The following RCC1L variants were observed in gnomAD, a reference collection of about 807,000 sequenced individuals.
RCC1L encodes RCC1 like.
RCC1L carries 46 observed loss-of-function variants against 58.6 expected under a neutral mutation model. The ratio of observed to expected loss-of-function variants is 0.79; its 90% CI spans 0.62 to 1.00. The LOEUF (loss-of-function observed/expected upper bound fraction) is 1.00. RCC1L is among the 50% of genes least tolerant of loss of function. RCC1L has a pLI of 0.00. For missense variants in RCC1L, 636 were observed against 623.6 expected, an observed-to-expected ratio of 1.02 and a Z score of -0.21; for synonymous variants, 281 against 262.9, an observed-to-expected ratio of 1.07 and a Z score of -0.67.
Position 75,056,066 on chromosome 7 carries a change from G to A in RCC1L, c.1066C>T (p.His356Tyr), listed in dbSNP as rs1224958173. The A allele has an allele frequency of 3.7e-6, 6 of 1,613,756 alleles. No homozygotes were observed. The Admixed American group carries it at 6.7e-5, about 18-fold the overall frequency. ...TGCAVLNGEG[H>Y]VFVWGYGILG... Reference sequence around the variant, plus strand: ...ATTCCATAGCCCCAGACAAAAACATGTCCTTCTCCTACATTACAGTAAAAA... The same window carrying A: ...ATTCCATAGCCCCAGACAAAAACATATCCTTCTCCTACATTACAGTAAAAA... Residue 356 changes from histidine (H) to tyrosine (Y), a missense_variant, in exon 9 of 11, where the codon CAT becomes TAT. By Grantham distance (83) the His-to-Tyr change is moderately conservative. Transcript: ENST00000610322.
At chr7:75,068,155 A>G (rs1806573596) in intron 2 of RCC1L, among the ~76,000 whole-genome samples, 1 of 150,472 alleles carries the variant, frequency 6.6e-6, no homozygotes, top group East Asian at 2.0e-4. Flanking sequence ...CCCCATCTCT[A>G]CTAAAAATAC....
At chr7:75,065,758 C>T (rs587750405) in intron 3 of RCC1L, among the ~76,000 whole-genome samples, 1 of 152,106 alleles carries the variant, frequency 6.6e-6, no homozygotes, top group Non-Finnish European at 1.5e-5. Flanking sequence ...TGGGTCACGT[C>T]TATAATCCCA....
intron 9 of RCC1L, 99 bp downstream of exon 9, chr7:75,055,802 G>T: frequency 7.0e-7 from 1 of 1,420,814 alleles, no homozygotes; most frequent in Non-Finnish European, 9.9e-7. Flanking sequence ...CGTTCTGTTG[G>T]ATGGGTGGAA....
Position 75,049,774 on chromosome 7 carries a change from G to A in RCC1L, c.1317+2937C>T, listed in dbSNP as rs1021785798. Among the ~76,000 whole-genome samples the A allele has an allele frequency of 4.0e-3, 604 of 152,306 alleles. 3 individuals carry two copies. Among genetic ancestry groups the A allele is most frequent in the African/African-American group, 0.014 (578 of 41,570 alleles). ...CAAGCCTGTAATCCCAGCTACTCGG[G>A]AGGCTGAGATAGGAGGATCACTTGA... On this transcript the variant is annotated intron_variant, in intron 10 of 10. Coordinates refer to ENST00000610322, the MANE Select transcript of RCC1L (RefSeq NM_030798.5).
chr7:75,048,623 C>T (rs2131983120), intron 10 of RCC1L, among the ~76,000 whole-genome samples: 1 of 152,352 alleles, frequency 6.6e-6, no homozygotes, highest in South Asian at 2.1e-4. Context: ...TCCCCCGAAG[C>T]CAGGCTGGAA....
intron 10 of RCC1L, among the ~76,000 whole-genome samples, chr7:75,033,527 TC>T (rs1400968836): frequency 3.6e-4 from 54 of 152,000 alleles, no homozygotes; most frequent in Non-Finnish European, 7.4e-4. Flanking sequence ...AATCCCCGTC[TC>T]TACTAAAAAT....
Position 75,058,660 on chromosome 7 carries a change from G to C in RCC1L, c.897C>G (p.Ser299=). 6.2e-7 allele frequency: 1 copy of C among 1,613,908 alleles called. No homozygotes were observed. Among genetic ancestry groups the C allele is most frequent in the Non-Finnish European group, 8.5e-7 (1 of 1,179,836 alleles). ...CCCAACCAAAAAGTCCTCCGTCGGC[G>C]GACACGGCCAGGCAGCAATCACCGT... ...ATYGDCCLAV[S]ADGGLFGWGN... is the part of the protein sequence containing the mutation. Residue 299 remains serine, a synonymous_variant, in exon 7 of 11, where the codon TCC becomes TCG. Transcript: ENST00000610322.
chr7:75,048,086 GTGAAACCTCATC>G (rs1451353751), intron 10 of RCC1L, among the ~76,000 whole-genome samples: 1 of 150,618 alleles, frequency 6.6e-6, no homozygotes, highest in Non-Finnish European at 1.5e-5. Context: ...GGGCAACATG[GTGAAACCTCATC>G]TCTACTAAAA....
At chr7:75,072,750 C>A (rs199616619) in intron 1 of RCC1L, among the ~76,000 whole-genome samples, 1 of 152,094 alleles carries the variant, frequency 6.6e-6, no homozygotes, top group East Asian at 1.9e-4. Context: ...GAGGCCAAGG[C>A]GGGCGGATCG....
At chr7:75,055,229 C>T (rs1806038152) in intron 9 of RCC1L, among the ~76,000 whole-genome samples, 1 of 152,200 alleles carries the variant, frequency 6.6e-6, no homozygotes, top group Admixed American at 6.5e-5. Flanking sequence ...TTCGAGTCAA[C>T]TAAAGAGCAG....
intron 3 of RCC1L, among the ~76,000 whole-genome samples, chr7:75,065,189 T>TAAA (rs782557967): frequency 1.5e-5 from 2 of 137,686 alleles, no homozygotes; most frequent in Non-Finnish European, 1.6e-5. Context: ...ACTTTTTAAT[T>TAAA]AAAAAAAAAA....
chr7:75,066,203 G>A (rs587610677), intron 3 of RCC1L, among the ~76,000 whole-genome samples: 18 of 152,206 alleles, frequency 1.2e-4, no homozygotes, highest in African/African-American at 3.9e-4. Flanking sequence ...TGTAATCCCA[G>A]CACTTTGGGA....
chr7:75,038,374 C>T (rs1194827547), downstream of RCC1L, among the ~76,000 whole-genome samples: 1 of 151,718 alleles, frequency 6.6e-6, no homozygotes, highest in Non-Finnish European at 1.5e-5. Context: ...GCCTCAGCCT[C>T]CTGAGTAGCT....
Position 75,073,436 on chromosome 7 carries a change from T to C in RCC1L, c.302A>G (p.Tyr101Cys), listed in dbSNP as rs1374590005. 1.2e-5 allele frequency: 16 copies of C among 1,336,452 alleles called. No individual in the cohort carries two copies. Among genetic ancestry groups the C allele is most frequent in the Non-Finnish European group, 1.4e-5 (15 of 1,040,448 alleles). 82.8% of individuals were successfully genotyped at this position (1,336,452 alleles called of 1,614,324 possible). A position where few individuals can be genotyped will look rare whatever the true frequency, so the allele number is the denominator to read the frequency against. Residue 101 changes from tyrosine to cysteine, a missense_variant, in exon 1 of 11, where the codon TAT becomes TGT. Transcript: ENST00000610322. ...RPRRRIQPVP[Y>C]RLELDQKISS... ...CACCTTTTGGTCCAGCTCCAGGCGATAGGGCACGGGCTGGATCCTGCGGCG... is the reference window on the plus strand; with the variant it reads ...CACCTTTTGGTCCAGCTCCAGGCGACAGGGCACGGGCTGGATCCTGCGGCG...
At chr7:75,064,320 G>A (rs1806380594) in intron 4 of RCC1L, among the ~76,000 whole-genome samples, 1 of 113,276 alleles carries the variant, frequency 8.8e-6, no homozygotes, top group African/African-American at 3.5e-5. Context: ...CAGAGCAAGA[G>A]TCCATCTCAA....
chr7:75,042,642 A>C lies in RCC1L; in HGVS notation c.*390T>G. ...CACACGCATGGCCTTGGCCAGACACAAACCAAGAGACTGCCATGACAGACA... is the reference window on the plus strand; with the variant it reads ...CACACGCATGGCCTTGGCCAGACACCAACCAAGAGACTGCCATGACAGACA... On this transcript the variant is annotated 3_prime_UTR_variant, in exon 11 of 11. Coordinates refer to ENST00000610322, the MANE Select transcript of RCC1L (RefSeq NM_030798.5). 9.3e-7 allele frequency: 1 copy of C among 1,076,908 alleles called. No homozygotes were observed. Among genetic ancestry groups the C allele is most frequent in the Non-Finnish European group, 1.1e-6 (1 of 885,018 alleles). The allele number at this position is 1,076,908 out of a possible 1,614,324, so 66.7% of individuals were successfully genotyped here. A position where few individuals can be genotyped will look rare whatever the true frequency, so the allele number is the denominator to read the frequency against.
At chr7:75,041,362 T>G (rs2131974679), downstream of RCC1L, among the ~76,000 whole-genome samples, 1 of 152,152 alleles carries the variant, frequency 6.6e-6, no homozygotes, top group East Asian at 1.9e-4. Flanking sequence ...GAATGTAAGC[T>G]TCACGGTGCG....
intron 2 of RCC1L, among the ~76,000 whole-genome samples, chr7:75,068,018 G>A (rs1421972776): frequency 1.3e-5 from 2 of 151,818 alleles, no homozygotes; most frequent in South Asian, 2.1e-4. Context: ...CTGAATAAAA[G>A]GTATAAAAAA....
At chr7:75,069,459 G>A (rs1024566868) in intron 2 of RCC1L, among the ~76,000 whole-genome samples, 3 of 151,598 alleles carry the variant, frequency 2.0e-5, no homozygotes, top group Non-Finnish European at 4.4e-5. Flanking sequence ...CTCCCATCTC[G>A]GCCTCCCAAA....
Sources: gnomAD v4.1 joint callset for allele counts (sites outside exome capture counted in the v4.1 genomes callset) on GRCh38, gnomAD v4.1.1 for gene constraint, MANE v1.5 for transcripts, NCBI Gene and HGNC (gene_info 2026-07-23, HGNC 2026-07-21) for gene names.